Variants in WDR27 observed in about 807,000 individuals in gnomAD.
WDR27 encodes WD repeat domain 27, also known as WD repeat-containing protein 27.
In WDR27, 100 loss-of-function variants were observed where a neutral mutation model predicts 114.4. That is an observed-to-expected ratio of 0.87 (90% CI 0.74 to 1.03). The LOEUF (loss-of-function observed/expected upper bound fraction) is 1.03, where lower values mean the gene tolerates loss of function less well. Ranked by LOEUF, WDR27 falls within the 50% of genes least tolerant of loss-of-function variation. WDR27 has a pLI of 0.00. For missense variants in WDR27, 1,129 were observed against 1,092.9 expected, an observed-to-expected ratio of 1.03 and a Z score of -0.47; for synonymous variants, 449 against 423.1, an observed-to-expected ratio of 1.06 and a Z score of -0.75.
At chr6:169,493,952 AGAT>A (rs1790092949) in intron 25 of WDR27, among the ~76,000 whole-genome samples, 1 of 152,364 alleles carries the variant, frequency 6.6e-6, no homozygotes, top group Non-Finnish European at 1.5e-5. Flanking sequence ...AATTCCAGCA[AGAT>A]GAGGGCCAAA....
At chr6:169,605,107 G>GTAAAAAAA (rs1562675799) in intron 22 of WDR27, among the ~76,000 whole-genome samples, 1 of 32,356 alleles carries the variant, frequency 3.1e-5, no homozygotes, top group Non-Finnish European at 4.8e-5. Context: ...GAGCAATTAG[G>GTAAAAAAA]CAAAAAAAAA....
chr6:169,488,947 T>C (rs1037540529), intron 25 of WDR27, among the ~76,000 whole-genome samples: 878 of 33,226 alleles, frequency 0.026, 14 homozygotes, highest in African/African-American at 0.053. Context: ...TGATGCCCCC[T>C]TTTTTTTTTT....
In WDR27 at chr6:169,621,124, C is replaced by A. The variant is rs886625048; in HGVS notation, c.2224-7468G>T. On this transcript the variant is annotated intron_variant, in intron 21 of 25. Coordinates refer to ENST00000448612, the MANE Select transcript of WDR27 (RefSeq NM_182552.5). ...TTTTAAATGAATTAATTAATAGGCA[C>A]TTTAATGAATACTATAATTAAAAGC... Among the ~76,000 whole-genome samples, 7 of 152,206 alleles carry A rather than the reference C, an allele frequency of 4.6e-5. No homozygotes were observed. The South Asian group carries it at 1.4e-3, about 31-fold the overall frequency.
At chr6:169,460,168 T>C (rs1311810294) in intron 25 of WDR27, among the ~76,000 whole-genome samples, 3 of 152,218 alleles carry the variant, frequency 2.0e-5, no homozygotes, top group African/African-American at 7.2e-5. Flanking sequence ...AGTATTATCA[T>C]AACTTTGGTT....
chr6:169,548,749 T>C (rs915174038), intron 25 of WDR27, among the ~76,000 whole-genome samples: 1 of 152,108 alleles, frequency 6.6e-6, no homozygotes, highest in African/African-American at 2.4e-5. Context: ...TAGACCCACA[T>C]AAATACAGCC....
chr6:169,531,592 C>T (rs79006728), intron 25 of WDR27, among the ~76,000 whole-genome samples: 6,337 of 151,896 alleles, frequency 0.042, 355 homozygotes, highest in African/African-American at 0.13. Context: ...GGTCTGCAAT[C>T]GACATGAAAT....
rs564001116 is a variant in WDR27, at chr6:169,509,458, C to G, written c.2646-51824G>C. Among the ~76,000 whole-genome samples the G allele has an allele frequency of 4.5e-3, 688 of 151,992 alleles. 7 individuals are homozygous for G. The highest frequency in any genetic ancestry group is 0.016 in the African/African-American group (656 of 41,430). On this transcript the variant is annotated intron_variant, in intron 25 of 25. Transcript: ENST00000448612. ...TATAGACCAATGGAACAGAACAGAG[C>G]CCTCAGAAATAATGCCGCATATCTA...
chr6:169,527,468 G>A (rs1314913142), intron 25 of WDR27, among the ~76,000 whole-genome samples: 4 of 152,134 alleles, frequency 2.6e-5, no homozygotes, highest in African/African-American at 4.8e-5. Context: ...TAGATGATTC[G>A]GGAGTGGGGA....
At chr6:169,502,102 G>A (rs376692161) in intron 25 of WDR27, among the ~76,000 whole-genome samples, 35 of 152,212 alleles carry the variant, frequency 2.3e-4, no homozygotes, top group African/African-American at 3.4e-4. Context: ...CCGGGGCTGC[G>A]GGATGCTGGG....
intron 13 of WDR27, 139 bp downstream of exon 13, chr6:169,658,137 G>T: frequency 1.4e-6 from 1 of 697,190 alleles, no homozygotes; most frequent in Non-Finnish European, 2.5e-6. Context: ...GAGAGGCAGA[G>T]ACATGAAGGA....
intron 21 of WDR27, among the ~76,000 whole-genome samples, chr6:169,621,909 C>T (rs368213955): frequency 6.6e-6 from 1 of 152,256 alleles, no homozygotes; most frequent in African/African-American, 2.4e-5. Context: ...TATACTTGCA[C>T]ACATATACAC....
the WDR27 span, among the ~76,000 whole-genome samples, chr6:169,433,662 T>G: frequency 1.3e-5 from 2 of 152,212 alleles, no homozygotes; most frequent in African/African-American, 2.4e-5. Flanking sequence ...TGAGGAATTG[T>G]CACACTGTCT....
At position 169,645,025 on chromosome 6, in the gene WDR27, A is replaced by T. The variant is rs1584855272; in HGVS notation, c.1658-1239T>A. ...CTCCGTCTCAAAAAAAAAAAAAATA[A>T]AAAAAAAAAATAAAAAAAAAAAAAA... is the stretch of plus-strand genomic sequence containing the variant. On this transcript the variant is annotated intron_variant, in intron 16 of 25. Coordinates refer to ENST00000448612, the MANE Select transcript of WDR27 (RefSeq NM_182552.5). Among the ~76,000 whole-genome samples, 4 of 40,402 alleles carry T rather than the reference A, an allele frequency of 9.9e-5. 1 individual carries two copies. The African/African-American group carries it at 1.1e-3, about 12-fold the overall frequency. 26.5% of individuals were successfully genotyped at this position (40,402 alleles called of 152,430 possible).
intron 25 of WDR27, among the ~76,000 whole-genome samples, chr6:169,478,245 G>A (rs1003401868): frequency 1.3e-5 from 2 of 152,104 alleles, no homozygotes; most frequent in Non-Finnish European, 2.9e-5. Context: ...ACACAAGAAT[G>A]AATCTTGCCA....
intron 2 of WDR27, among the ~76,000 whole-genome samples, chr6:169,677,662 GA>G (rs1186325066): frequency 2.6e-5 from 4 of 152,244 alleles, no homozygotes; most frequent in African/African-American, 9.6e-5. Context: ...AAGGCAATGG[GA>G]AAGGCCTCCA....
chr6:169,577,984 T>C (rs958246993), intron 24 of WDR27, among the ~76,000 whole-genome samples: 4 of 152,066 alleles, frequency 2.6e-5, no homozygotes, highest in Non-Finnish European at 5.9e-5. Flanking sequence ...CCAATTCACA[T>C]AAAAAAATTC....
At chr6:169,696,946 T>C (rs1467717329) in intron 1 of WDR27, among the ~76,000 whole-genome samples, 1 of 151,962 alleles carries the variant, frequency 6.6e-6, no homozygotes, top group Non-Finnish European at 1.5e-5. Flanking sequence ...AACAAAAACC[T>C]ATCTCCTGAC....
chr6:169,582,339 T>C (rs1803627249), intron 24 of WDR27, among the ~76,000 whole-genome samples: 1 of 152,216 alleles, frequency 6.6e-6, no homozygotes, highest in South Asian at 2.1e-4. Flanking sequence ...AGACCATTCA[T>C]TTTTATATAC....
rs1788143435 is a variant in WDR27 at position 169,701,775 on chromosome 6, C to T, written c.-232G>A. On this transcript the variant is annotated 5_prime_UTR_variant, in exon 1 of 26. Transcript: ENST00000448612. Reference sequence around the variant, plus strand: ...AGCGGTCACGGCGGAACCCTCAAATCGCCCCCTTTCCTAGAGACCTCAGCG... The same window carrying T: ...AGCGGTCACGGCGGAACCCTCAAATTGCCCCCTTTCCTAGAGACCTCAGCG... 1 of 266,700 alleles carries T rather than the reference C, an allele frequency of 3.7e-6. No individual in the cohort carries two copies. Among genetic ancestry groups the T allele is most frequent in the Admixed American group, 5.4e-5 (1 of 18,514 alleles). The allele number at this position is 266,700 out of a possible 1,614,324, so 16.5% of individuals were successfully genotyped here.
Sources: gnomAD v4.1 joint callset for allele counts (sites outside exome capture counted in the v4.1 genomes callset) on GRCh38, gnomAD v4.1.1 for gene constraint, MANE v1.5 for transcripts, NCBI Gene and HGNC (gene_info 2026-07-23, HGNC 2026-07-21) for gene names.